The following SMCO4 variants were observed in gnomAD, a reference collection of about 807,000 sequenced individuals.
SMCO4 encodes single-pass membrane and coiled-coil domain-containing protein 4.
Under a neutral mutation model 3.6 loss-of-function variants are expected in SMCO4, and 4 were observed. The observed-to-expected ratio is 1.11, with a 90% CI of 0.54 to 2.53. The LOEUF (loss-of-function observed/expected upper bound fraction) is 2.53. Among genes scored for constraint, SMCO4 ranks in the 30% most tolerant of loss-of-function variants. The pLI is 0.02. For synonymous variants in SMCO4, 36 were observed against 35.3 expected, an observed-to-expected ratio of 1.02 and a Z score of -0.07; for missense variants, 70 against 80.8, an observed-to-expected ratio of 0.87 and a Z score of 0.51.
chr11:93,538,719 G>T (rs1248593856), intron 1 of SMCO4, among the ~76,000 whole-genome samples: 6 of 152,162 alleles, frequency 3.9e-5, no homozygotes, highest in South Asian at 2.1e-4. Flanking sequence ...GGGAAGGGAT[G>T]ATGCAATTCT....
chr11:93,544,079 C>T (rs1949296713), upstream of SMCO4, among the ~76,000 whole-genome samples: 1 of 152,194 alleles, frequency 6.6e-6, no homozygotes, highest in African/African-American at 2.4e-5. Context: ...TGAGATCTAC[C>T]TCTTAAAAGC....
At chr11:93,483,946 C>G (rs370877358) in intron 2 of SMCO4, among the ~76,000 whole-genome samples, 1 of 152,218 alleles carries the variant, frequency 6.6e-6, no homozygotes, top group Non-Finnish European at 1.5e-5. Flanking sequence ...GAAGCTCACA[C>G]GCTCAGCCTG....
At chr11:93,494,097 C>T (rs2045462) in intron 2 of SMCO4, among the ~76,000 whole-genome samples, 44,060 of 152,004 alleles carry the variant, frequency 0.29, 6,807 homozygotes, top group Non-Finnish European at 0.33. Context: ...TGAGTCCTTT[C>T]GAAACCACTG....
intron 2 of SMCO4, among the ~76,000 whole-genome samples, chr11:93,494,507 A>T (rs1390442939): frequency 6.6e-6 from 1 of 152,178 alleles, no homozygotes; most frequent in Non-Finnish European, 1.5e-5. Flanking sequence ...CCAAACCCGC[A>T]GGAATCCAAC....
chr11:93,489,879 C>T (rs1006764661), intron 2 of SMCO4, among the ~76,000 whole-genome samples: 1 of 152,122 alleles, frequency 6.6e-6, no homozygotes, highest in East Asian at 1.9e-4. Context: ...TAAGCCACAT[C>T]CCTCCCTTTC....
chr11:93,542,043 C>G (rs1231956782), intron 1 of SMCO4, among the ~76,000 whole-genome samples: 1 of 152,022 alleles, frequency 6.6e-6, no homozygotes, highest in Non-Finnish European at 1.5e-5. Flanking sequence ...CACTATGGGT[C>G]TCTTGCCGTA....
At chr11:93,496,606 C>G (rs926128331) in intron 2 of SMCO4, among the ~76,000 whole-genome samples, 4 of 152,224 alleles carry the variant, frequency 2.6e-5, no homozygotes, top group Admixed American at 2.6e-4. Context: ...CTCATGGTGT[C>G]GGAGGTCCTG....
Position 93,479,146 on chromosome 11 carries a change from T to C in SMCO4, c.44A>G (p.Asp15Gly), listed in dbSNP as rs770683740. 10 of 1,614,068 alleles carry C rather than the reference T, an allele frequency of 6.2e-6. No individual in the cohort carries two copies. The highest frequency in any genetic ancestry group is 5.0e-5 in the Admixed American group (3 of 60,018). The change falls in exon 3 of 3, where the codon GAC becomes GGC. Residue 15 changes from aspartate to glycine, a missense_variant. Physicochemically the swap from Asp to Gly is moderately conservative, Grantham distance 94 (BLOSUM62 -1). Coordinates refer to ENST00000298966, the MANE Select transcript of SMCO4 (RefSeq NM_020179.3). ...KGKPKKETSK[D>G]KKERKQAMQE... is the part of the protein sequence containing the mutation. Reference sequence around the variant, plus strand: ...CATGGCTTGCTTCCGCTCCTTCTTGTCCTTGGAGGTCTCCTTCTTGGGCTT... The same window carrying C: ...CATGGCTTGCTTCCGCTCCTTCTTGCCCTTGGAGGTCTCCTTCTTGGGCTT...
In SMCO4 at chr11:93,515,396, T is replaced by C. The variant is rs547104723; in HGVS notation, c.-153-16048A>G. On this transcript the variant is annotated intron_variant, in intron 1 of 2. Coordinates refer to ENST00000298966, the MANE Select transcript of SMCO4 (RefSeq NM_020179.3). ...CCAAGCTTCCATGTTCATTATTTTA[T>C]TGGATCATCTCTGTAACTGTGAGGT... Among the ~76,000 whole-genome samples, 12 of 152,332 alleles carry C rather than the reference T, an allele frequency of 7.9e-5. No homozygotes were observed. The South Asian group carries it at 2.3e-3, about 29-fold the overall frequency.
At chr11:93,492,222 A>C (rs1948725701) in intron 2 of SMCO4, among the ~76,000 whole-genome samples, 1 of 152,210 alleles carries the variant, frequency 6.6e-6, no homozygotes, top group Admixed American at 6.5e-5. Context: ...GCAACTAACC[A>C]TGCACAGATT....
chr11:93,532,979 A>G (rs906388044), intron 1 of SMCO4, among the ~76,000 whole-genome samples: 1 of 152,230 alleles, frequency 6.6e-6, no homozygotes, highest in Non-Finnish European at 1.5e-5. Context: ...AGAACAGTGT[A>G]TTTCCTGAAT....
chr11:93,553,590 C>T, the SMCO4 span, among the ~76,000 whole-genome samples: 2 of 152,198 alleles, frequency 1.3e-5, no homozygotes, highest in Admixed American at 1.3e-4. Flanking sequence ...ACACCTTTCA[C>T]TGCTTTAAAA....
At chr11:93,486,905 G>A (rs145427829) in intron 2 of SMCO4, among the ~76,000 whole-genome samples, 8 of 152,132 alleles carry the variant, frequency 5.3e-5, no homozygotes, top group South Asian at 2.1e-4. Flanking sequence ...AGTTGAAGGC[G>A]CTCCCTAAGA....
At chr11:93,491,344 G>C (rs1948715913) in intron 2 of SMCO4, among the ~76,000 whole-genome samples, 1 of 152,222 alleles carries the variant, frequency 6.6e-6, no homozygotes, top group African/African-American at 2.4e-5. Flanking sequence ...CATGGCCAGG[G>C]TAAGAATAAA....
chr11:93,519,761 G>A (rs1427838416), intron 1 of SMCO4, among the ~76,000 whole-genome samples: 1 of 152,206 alleles, frequency 6.6e-6, no homozygotes, highest in Non-Finnish European at 1.5e-5. Context: ...GCAGTCCTCA[G>A]TACTTGGGTT....
rs549423142 is a variant in SMCO4 at position 93,543,086 on chromosome 11, G to C, written c.-154+190C>G. Among the ~76,000 whole-genome samples the C allele has an allele frequency of 3.9e-3, 598 of 151,700 alleles. 6 individuals are homozygous for C. Among genetic ancestry groups the C allele is most frequent in the African/African-American group, 0.014 (573 of 41,454 alleles). Reference sequence around the variant, plus strand: ...CTCGGGCCCCCAACCCCGCCCGCACGAGTTGCGCTCGGGACCCGCCGGGCG... The same window carrying C: ...CTCGGGCCCCCAACCCCGCCCGCACCAGTTGCGCTCGGGACCCGCCGGGCG... On this transcript the variant is annotated intron_variant, in intron 1 of 2. Coordinates refer to ENST00000298966, the MANE Select transcript of SMCO4 (RefSeq NM_020179.3).
chr11:93,543,716 G>C (rs1949293207), upstream of SMCO4, among the ~76,000 whole-genome samples: 1 of 152,254 alleles, frequency 6.6e-6, no homozygotes, highest in South Asian at 2.1e-4. Flanking sequence ...GAATCGGAAA[G>C]GGGATAGTTG....
chr11:93,493,188 G>A (rs1948738420), intron 2 of SMCO4, among the ~76,000 whole-genome samples: 1 of 152,198 alleles, frequency 6.6e-6, no homozygotes, highest in Non-Finnish European at 1.5e-5. Flanking sequence ...TGAAGACAAG[G>A]TTTATTGATC....
chr11:93,553,029 G>C, the SMCO4 span, among the ~76,000 whole-genome samples: 1 of 152,196 alleles, frequency 6.6e-6, no homozygotes. Context: ...CACAGATGGA[G>C]CTTACTCATT....
Sources: gnomAD v4.1 joint callset for allele counts (sites outside exome capture counted in the v4.1 genomes callset) on GRCh38, gnomAD v4.1.1 for gene constraint, MANE v1.5 for transcripts, NCBI Gene and HGNC (gene_info 2026-07-23, HGNC 2026-07-21) for gene names.